RBFOX1: variants seen among roughly 807,000 people sequenced by gnomAD.
RBFOX1 encodes RNA binding protein fox-1 homolog 1.
A neutral mutation model predicts 57.7 loss-of-function variants in RBFOX1; 8 were observed. The observed-to-expected ratio is 0.14, with a 90% CI of 0.08 to 0.25. The LOEUF (loss-of-function observed/expected upper bound fraction) is 0.25. RBFOX1 is among the 10% of genes least tolerant of loss of function. The probability of loss-of-function intolerance (pLI) is 1.00; values close to 1 mark genes in which losing one functional copy is unlikely to be tolerated. For missense variants in RBFOX1, 611 were observed against 548.5 expected, an observed-to-expected ratio of 1.11 and a Z score of -1.14; for synonymous variants, 326 against 222.4, an observed-to-expected ratio of 1.47 and a Z score of -4.15.
rs80298289 is a variant in RBFOX1 at position 6,436,835 on chromosome 16, G to A, written c.-64+119778G>A. Among the ~76,000 whole-genome samples the A allele has an allele frequency of 1.2e-4, 19 of 152,218 alleles. No homozygotes were observed. The East Asian group carries it at 1.9e-3, about 15-fold the overall frequency. On this transcript the variant is annotated intron_variant, in intron 2 of 15. Coordinates refer to ENST00000550418, the MANE Select transcript of RBFOX1 (RefSeq NM_018723.4). ...GTATATTGAATAAATTAGGGTTATGGAAAAGGTCACATTTCTTTAGGAAGT... is the reference window on the plus strand; with the variant it reads ...GTATATTGAATAAATTAGGGTTATGAAAAAGGTCACATTTCTTTAGGAAGT...
chr16:5,997,303 C>A (rs573515344), intron 4 of RBFOX1, among the ~76,000 whole-genome samples: 1 of 152,214 alleles, frequency 6.6e-6, no homozygotes, highest in African/African-American at 2.4e-5. Flanking sequence ...GTAAACAGCC[C>A]AGTGTGGCTG....
chr16:5,404,113 G>C (rs1281097007), intron 1 of RBFOX1, among the ~76,000 whole-genome samples: 1 of 151,476 alleles, frequency 6.6e-6, no homozygotes, highest in Non-Finnish European at 1.5e-5. Flanking sequence ...GATGACAAAG[G>C]AGATGGGGAT....
chr16:5,845,378 C>T (rs2056729307), intron 3 of RBFOX1, among the ~76,000 whole-genome samples: 1 of 152,208 alleles, frequency 6.6e-6, no homozygotes, highest in African/African-American at 2.4e-5. Context: ...CAGCTTGCTT[C>T]TCCAAGGAGG....
intron 1 of RBFOX1, among the ~76,000 whole-genome samples, chr16:6,030,555 C>A (rs1408076425): frequency 6.6e-6 from 1 of 151,972 alleles, no homozygotes; most frequent in East Asian, 1.9e-4. Flanking sequence ...TTGCAAGGTA[C>A]CTAATGTGAA....
intron 4 of RBFOX1, among the ~76,000 whole-genome samples, chr16:7,188,950 C>A (rs2084620683): frequency 6.6e-6 from 1 of 152,088 alleles, no homozygotes; most frequent in Non-Finnish European, 1.5e-5. Context: ...TAATTGCAGC[C>A]TGGGTAGCTT....
intron 1 of RBFOX1, among the ~76,000 whole-genome samples, chr16:6,141,283 G>C (rs570952709): frequency 2.0e-5 from 3 of 152,264 alleles, no homozygotes; most frequent in Admixed American, 2.0e-4. Context: ...CACTTTATGA[G>C]ATAAAAATGA....
chr16:5,441,660 T>A (rs1052940114), intron 1 of RBFOX1, among the ~76,000 whole-genome samples: 1 of 152,136 alleles, frequency 6.6e-6, no homozygotes, highest in Non-Finnish European at 1.5e-5. Context: ...CCACTGTTCC[T>A]GGCAGGAAAG....
At chr16:5,319,069 G>A (rs546335675) in intron 1 of RBFOX1, among the ~76,000 whole-genome samples, 46 of 152,294 alleles carry the variant, frequency 3.0e-4, no homozygotes, top group African/African-American at 9.9e-4. Context: ...GGAGGTTGCG[G>A]TGAGCCGAGA....
At chr16:5,382,026 G>A (rs78696338) in intron 1 of RBFOX1, among the ~76,000 whole-genome samples, 1,654 of 152,274 alleles carry the variant, frequency 0.011, 22 homozygotes, top group African/African-American at 0.028. Context: ...TGGGACAACC[G>A]AAAATGTCTC....
At chr16:7,048,189 T>G (rs2048704603) in intron 3 of RBFOX1, among the ~76,000 whole-genome samples, 1 of 150,382 alleles carries the variant, frequency 6.6e-6, no homozygotes, top group African/African-American at 2.4e-5. Context: ...CAATATTTTA[T>G]TTTTATTTTT....
intron 3 of RBFOX1, among the ~76,000 whole-genome samples, chr16:6,819,687 A>C (rs1412513322): frequency 7.2e-6 from 1 of 139,076 alleles, no homozygotes; most frequent in African/African-American, 2.7e-5. Flanking sequence ...CCTGGGCAAC[A>C]AGAGTGAAAC....
At chr16:7,452,365 G>C (rs753903084) in intron 4 of RBFOX1, among the ~76,000 whole-genome samples, 1 of 152,188 alleles carries the variant, frequency 6.6e-6, no homozygotes, top group Non-Finnish European at 1.5e-5. Context: ...TAAGAGCTTA[G>C]AACAACACAC....
chr16:7,437,171 C>G (rs1257289465), intron 4 of RBFOX1, among the ~76,000 whole-genome samples: 1 of 152,072 alleles, frequency 6.6e-6, no homozygotes, highest in Non-Finnish European at 1.5e-5. Context: ...TTTTATGATA[C>G]TGTGCTAGTA....
intron 2 of RBFOX1, among the ~76,000 whole-genome samples, chr16:6,637,227 AT>A (rs1211878221): frequency 3.0e-5 from 2 of 66,042 alleles, no homozygotes; most frequent in Non-Finnish European, 5.1e-5. Flanking sequence ...ATAATATACA[AT>A]ATATATTATA....
intron 1 of RBFOX1, among the ~76,000 whole-genome samples, chr16:6,077,995 G>A (rs570419441): frequency 5.9e-5 from 9 of 152,194 alleles, no homozygotes; most frequent in African/African-American, 1.9e-4. Flanking sequence ...TTTAATTCCC[G>A]GGTAGATGTA....
rs572977445 is a variant in RBFOX1 at position 6,421,013 on chromosome 16, G to A, written c.-64+103956G>A. Among the ~76,000 whole-genome samples, 18 of 152,312 alleles carry A rather than the reference G, an allele frequency of 1.2e-4. 1 individual carries two copies. Among genetic ancestry groups the A allele is most frequent in the Admixed American group, 1.2e-3 (18 of 15,292 alleles). On this transcript the variant is annotated intron_variant, in intron 2 of 15. Coordinates refer to ENST00000550418, the MANE Select transcript of RBFOX1 (RefSeq NM_018723.4). Reference sequence around the variant, plus strand: ...TGAACATCTCCCATCTTTATATTGTGATGGCACTATTCCTCAATGGCTAAT... The same window carrying A: ...TGAACATCTCCCATCTTTATATTGTAATGGCACTATTCCTCAATGGCTAAT...
chr16:6,019,551 G>T lies in RBFOX1; in HGVS notation c.-568G>T. Reference sequence around the variant, plus strand: ...TCTGCCAGCCCCGGGAACAGCAGAGGCGGCGGCACTGGCTGGACCCACGCG... The same window carrying T: ...TCTGCCAGCCCCGGGAACAGCAGAGTCGGCGGCACTGGCTGGACCCACGCG... On this transcript the variant is annotated 5_prime_UTR_variant, in exon 1 of 16. Transcript: ENST00000550418. This position sits in a 1 kb window ranked among gnomAD's most constrained non-coding sequence, Gnocchi z 4.2. The T allele has an allele frequency of 9.0e-7, 1 of 1,116,138 alleles. No homozygotes were observed. Among genetic ancestry groups the T allele is most frequent in the Non-Finnish European group, 1.1e-6 (1 of 914,026 alleles). The allele number at this position is 1,116,138 out of a possible 1,614,324, so 69.1% of individuals were successfully genotyped here. A position where few individuals can be genotyped will look rare whatever the true frequency, so the allele number is the denominator to read the frequency against.
At chr16:7,035,349 G>T (rs2044088159) in intron 3 of RBFOX1, among the ~76,000 whole-genome samples, 1 of 152,128 alleles carries the variant, frequency 6.6e-6, no homozygotes, top group Admixed American at 6.6e-5. Flanking sequence ...GGGTTCCACA[G>T]TTCCCTGTGA....
At chr16:7,616,594 C>T (rs1171980980) in intron 10 of RBFOX1, among the ~76,000 whole-genome samples, 2 of 152,162 alleles carry the variant, frequency 1.3e-5, no homozygotes, top group Non-Finnish European at 2.9e-5. Context: ...TGGAGTCTCT[C>T]ACTCTGTCAC....
Sources: allele counts gnomAD v4.1 joint callset (sites outside exome capture counted in the v4.1 genomes callset), GRCh38; gene constraint gnomAD v4.1.1; non-coding constraint Gnocchi (gnomAD v3.1); transcripts MANE v1.5; gene names NCBI Gene and HGNC (gene_info 2026-07-23, HGNC 2026-07-21).